The following ZFAT variants were observed in gnomAD, a reference collection of about 807,000 sequenced individuals.
ZFAT encodes zinc finger protein ZFAT.
Under a neutral mutation model 117.7 loss-of-function variants are expected in ZFAT, and 64 were observed. The ratio of observed to expected loss-of-function variants is 0.54; its 90% CI spans 0.44 to 0.67. The LOEUF (loss-of-function observed/expected upper bound fraction) is 0.67, where lower values mean the gene tolerates loss of function less well. ZFAT is among the 30% of genes least tolerant of loss of function. The pLI is 0.00. For missense variants in ZFAT, 1,433 were observed against 1,584.5 expected (o/e 0.90, Z 1.62); for synonymous variants, 679 against 615.0 (o/e 1.10, Z -1.54).
intron 12 of ZFAT, among the ~76,000 whole-genome samples, chr8:134,524,103 C>G (rs1035598736): frequency 2.6e-5 from 4 of 152,150 alleles, no homozygotes; most frequent in African/African-American, 9.7e-5. Context: ...TTGGCAAGTC[C>G]TCTTCTTTCT....
At chr8:134,737,126 C>A in the ZFAT span, among the ~76,000 whole-genome samples, 1 of 151,846 alleles carries the variant, frequency 6.6e-6, no homozygotes, top group Non-Finnish European at 1.5e-5. Context: ...ACTAAAAATA[C>A]AAAATTAGCT....
chr8:134,505,757 T>C (rs955352919), intron 15 of ZFAT, among the ~76,000 whole-genome samples: 2 of 152,154 alleles, frequency 1.3e-5, no homozygotes, highest in African/African-American at 4.8e-5. Context: ...CCAGAAACAC[T>C]GTAGCTCTCT....
chr8:134,827,882 A>T, the ZFAT span, among the ~76,000 whole-genome samples: 1 of 152,176 alleles, frequency 6.6e-6, no homozygotes, highest in Non-Finnish European at 1.5e-5. Flanking sequence ...AGAAAAATTA[A>T]GTGACATTTT....
In ZFAT at chr8:134,613,135, C is replaced by T. The variant is rs745823848; in HGVS notation, c.449-2480G>A. 1.2e-3 allele frequency among the ~76,000 whole-genome samples: 188 copies of T among 152,134 alleles called. 3 individuals are homozygous for T. Among genetic ancestry groups the T allele is most frequent in the Non-Finnish European group, 2.9e-4 (20 of 68,040 alleles). ...TTTTTGCTTTTAAAATGATGCCTTG[C>T]TTTATACCGGAATTCACCATGGGAT... On this transcript the variant is annotated intron_variant, in intron 3 of 15. Coordinates refer to ENST00000377838, the MANE Select transcript of ZFAT (RefSeq NM_020863.4).
intron 11 of ZFAT, among the ~76,000 whole-genome samples, chr8:134,547,553 C>A (rs958700784): frequency 6.6e-6 from 1 of 152,190 alleles, no homozygotes; most frequent in Non-Finnish European, 1.5e-5. Context: ...AGAGTTAACA[C>A]CACTGCAGTA....
intron 3 of ZFAT, among the ~76,000 whole-genome samples, chr8:134,623,073 T>G (rs774249066): frequency 6.6e-6 from 1 of 152,106 alleles, no homozygotes; most frequent in Non-Finnish European, 1.5e-5. Flanking sequence ...ATCCTCTTAG[T>G]CATCTCTGGA....
intron 1 of ZFAT, among the ~76,000 whole-genome samples, chr8:134,712,527 T>A (rs1286559579): frequency 6.6e-6 from 1 of 151,710 alleles, no homozygotes; most frequent in Non-Finnish European, 1.5e-5. Flanking sequence ...GATTCGAACC[T>A]CGCGCCCACT....
At chr8:134,784,051 C>G in the ZFAT span, 1 of 152,168 alleles carries the variant, frequency 6.6e-6, no homozygotes, top group Non-Finnish European at 1.5e-5. Flanking sequence ...CTGGTGTGAT[C>G]CAAGGCCCCA....
chr8:134,598,136 C>G (rs1432533229), intron 7 of ZFAT: 1 of 152,202 alleles, frequency 6.6e-6, no homozygotes, highest in African/African-American at 2.4e-5. Flanking sequence ...CAACCCCAGG[C>G]AGTGGTGAGA....
At chr8:134,759,047 C>T in the ZFAT span, among the ~76,000 whole-genome samples, 58,369 of 151,714 alleles carry the variant, frequency 0.38, 11,221 homozygotes, top group Admixed American at 0.46. Flanking sequence ...GAGTGACAAA[C>T]AGCATTGTCT....
At chr8:134,760,412 T>C in the ZFAT span, among the ~76,000 whole-genome samples, 1 of 152,214 alleles carries the variant, frequency 6.6e-6, no homozygotes. Context: ...ACAATTCTAT[T>C]GGCAGGCCCA....
chr8:134,519,574 A>G (rs919444761), intron 13 of ZFAT, among the ~76,000 whole-genome samples: 3 of 152,208 alleles, frequency 2.0e-5, no homozygotes, highest in African/African-American at 4.8e-5. Flanking sequence ...TGTTTGTATT[A>G]GCTTTTCATT....
chr8:134,801,910 A>T, the ZFAT span, among the ~76,000 whole-genome samples: 2 of 152,222 alleles, frequency 1.3e-5, no homozygotes, highest in South Asian at 2.1e-4. Context: ...GAGCAGCATC[A>T]GCAGTACTTG....
chr8:134,739,767 G>T, the ZFAT span, among the ~76,000 whole-genome samples: 4 of 152,264 alleles, frequency 2.6e-5, no homozygotes, highest in Admixed American at 6.5e-5. Flanking sequence ...TGGGACTACA[G>T]ATGGAGGCAG....
At chr8:134,779,861 A>G in the ZFAT span, among the ~76,000 whole-genome samples, 2 of 152,138 alleles carry the variant, frequency 1.3e-5, no homozygotes, top group African/African-American at 4.8e-5. Context: ...TATACCCGCA[A>G]CCCTGAAGGT....
At chr8:134,729,304 GGATTTCA>G in the ZFAT span, among the ~76,000 whole-genome samples, 5 of 152,096 alleles carry the variant, frequency 3.3e-5, no homozygotes, top group Non-Finnish European at 7.4e-5. Context: ...GCTGCCCCTG[GGATTTCA>G]TCCACCTCGC....
chr8:134,792,229 A>T, the ZFAT span: 1 of 152,184 alleles, frequency 6.6e-6, no homozygotes. Context: ...TATTAATTGT[A>T]TTGGGAATAA....
intron 12 of ZFAT, among the ~76,000 whole-genome samples, chr8:134,525,882 A>C (rs1050313202): frequency 2.0e-5 from 3 of 152,264 alleles, no homozygotes; most frequent in Non-Finnish European, 4.4e-5. Flanking sequence ...AGTCAAACAT[A>C]CTGTGCTGTT....
At chr8:134,695,876 G>A (rs1325076229) in intron 1 of ZFAT, among the ~76,000 whole-genome samples, 24 of 131,170 alleles carry the variant, frequency 1.8e-4, no homozygotes, top group African/African-American at 6.7e-4. Flanking sequence ...TAAACAAGGA[G>A]GTACCACCAC....
Sources: allele counts gnomAD v4.1 joint callset (sites outside exome capture counted in the v4.1 genomes callset), GRCh38; gene constraint gnomAD v4.1.1; transcripts MANE v1.5; gene names NCBI Gene and HGNC (gene_info 2026-07-23, HGNC 2026-07-21).